The following TEX15 variants were observed in gnomAD, a reference collection of about 807,000 sequenced individuals.
TEX15 encodes the protein testis expressed 15, meiosis and synapsis associated, also known as testis-expressed protein 15.
In TEX15, 171 loss-of-function variants were observed where a neutral mutation model predicts 237.3. That is an observed-to-expected ratio of 0.72 (90% CI 0.64 to 0.82). The LOEUF (loss-of-function observed/expected upper bound fraction) is 0.82. TEX15 is among the 40% of genes least tolerant of loss of function. The pLI is 0.00. For synonymous variants in TEX15, 1,338 were observed against 1,269.8 expected (o/e 1.05, Z -1.14); for missense variants, 3,750 against 3,646.5 (o/e 1.03, Z -0.73).
Position 30,833,255 on chromosome 8 carries a change from A to G in TEX15, c.*31T>C. On this transcript the variant is annotated 3_prime_UTR_variant, in exon 11 of 11. Transcript: ENST00000643185. ...TAAAAAATATTTGGAAAAACTTGTT[A>G]TGTCTTATTTCAATAGACAGAAGAC... 6.7e-7 allele frequency: 1 copy of G among 1,494,498 alleles called. No homozygotes were observed. The highest frequency in any genetic ancestry group is 9.1e-7 in the Non-Finnish European group (1 of 1,099,284). The allele number at this position is 1,494,498 out of a possible 1,614,324, so 92.6% of individuals were successfully genotyped here. A position where few individuals can be genotyped will look rare whatever the true frequency, so the allele number is the denominator to read the frequency against.
intron 3 of TEX15, among the ~76,000 whole-genome samples, chr8:30,877,700 A>G (rs1808429640): frequency 6.6e-6 from 1 of 152,196 alleles, no homozygotes; most frequent in Non-Finnish European, 1.5e-5. Context: ...AACAGTTCAC[A>G]GAGGTCCTGT....
intron 3 of TEX15, among the ~76,000 whole-genome samples, chr8:30,884,109 C>T (rs943462366): frequency 6.6e-6 from 1 of 152,176 alleles, no homozygotes; most frequent in Non-Finnish European, 1.5e-5. Flanking sequence ...AACTCCTAGC[C>T]TCAGGGCATG....
At position 30,884,650 on chromosome 8, in the gene TEX15, T is replaced by A. The variant is rs148576862; in HGVS notation, c.136+2517A>T. On this transcript the variant is annotated intron_variant, in intron 3 of 10. Transcript: ENST00000643185. The stretch of plus-strand genomic sequence containing the variant: ...GTTGTTCATAGTATCCCTTATCCTT[T>A]TAATGCCCATAGGATCTGTAGTGAT... 9.0e-3 allele frequency among the ~76,000 whole-genome samples: 1,369 copies of A among 152,298 alleles called. 23 individuals are homozygous for A. Among genetic ancestry groups the A allele is most frequent in the African/African-American group, 0.031 (1,291 of 41,554 alleles).
rs1807583834 is a variant in TEX15, at chr8:30,845,602, G to A, written c.4565C>T (p.Ser1522Phe). 3 of 1,613,604 alleles carry A rather than the reference G, an allele frequency of 1.9e-6. No individual in the cohort carries two copies. Among genetic ancestry groups the A allele is most frequent in the East Asian group, 2.2e-5 (1 of 44,868 alleles). Reference sequence around the variant, plus strand: ...CTGACTTGTACTTTGGGATGTGGAGGATACAGGCAACTGTGATTCAGGATG... The same window carrying A: ...CTGACTTGTACTTTGGGATGTGGAGAATACAGGCAACTGTGATTCAGGATG... ...QEHPESQLPV[S>F]STSQSTSQSV... The change falls in exon 8 of 11, where the codon TCC (serine) becomes TTC (phenylalanine). Residue 1522 changes from serine (S) to phenylalanine (F), a missense_variant. Coordinates refer to ENST00000643185, the MANE Select transcript of TEX15 (RefSeq NM_001350162.2).
intron 3 of TEX15, among the ~76,000 whole-genome samples, chr8:30,876,881 C>A (rs1449976189): frequency 2.0e-5 from 3 of 152,104 alleles, no homozygotes; most frequent in African/African-American, 7.2e-5. Flanking sequence ...GGGGCAGTTA[C>A]CCCATGCTAG....
chr8:30,884,903 A>G (rs776016034), intron 3 of TEX15, among the ~76,000 whole-genome samples: 1 of 151,968 alleles, frequency 6.6e-6, no homozygotes, highest in Non-Finnish European at 1.5e-5. Flanking sequence ...CTAGTTTCCT[A>G]AGGTGTAAAC....
rs373976433 is a variant in TEX15, at chr8:30,847,068, C to T, written c.3099G>A (p.Thr1033=). The change falls in exon 8 of 11, where the codon ACG becomes ACA. Residue 1033 remains threonine, a synonymous_variant. Coordinates refer to ENST00000643185, the MANE Select transcript of TEX15 (RefSeq NM_001350162.2). ...KHRVSDCEID[T]DKNKSQESFH... ...ATGATTCTTGTGATTTATTTTTATCCGTATCAATTTCACAATCAGAAACCC... is the reference window on the plus strand; with the variant it reads ...ATGATTCTTGTGATTTATTTTTATCTGTATCAATTTCACAATCAGAAACCC... 41 of 1,612,402 alleles carry T rather than the reference C, an allele frequency of 2.5e-5. No individual in the cohort carries two copies. Among genetic ancestry groups the T allele is most frequent in the South Asian group, 1.1e-4 (10 of 90,844 alleles).
chr8:30,875,960 G>A (rs575041056), intron 3 of TEX15, among the ~76,000 whole-genome samples: 11 of 151,988 alleles, frequency 7.2e-5, no homozygotes, highest in Non-Finnish European at 1.3e-4. Context: ...TACAGGCACA[G>A]GCCCAACATG....
chr8:30,866,118 A>C (rs1808156708), intron 5 of TEX15, among the ~76,000 whole-genome samples: 1 of 152,280 alleles, frequency 6.6e-6, no homozygotes, highest in South Asian at 2.1e-4. Flanking sequence ...ACAAACACTC[A>C]TCAGTAGTAT....
At chr8:30,889,574 G>C (rs948978090) in intron 2 of TEX15, among the ~76,000 whole-genome samples, 1 of 152,020 alleles carries the variant, frequency 6.6e-6, no homozygotes, top group African/African-American at 2.4e-5. Flanking sequence ...TGCTTACTTA[G>C]GATAATACTT....
At chr8:30,895,297 C>CAAAAAAAAAAAAAAAAAAAAAAAAAA (rs34514049) in intron 2 of TEX15, among the ~76,000 whole-genome samples, 1 of 60,474 alleles carries the variant, frequency 1.7e-5, no homozygotes, top group Non-Finnish European at 3.6e-5. Flanking sequence ...GACTCCATCT[C>CAAAAAAAAAAAAAAAAAAAAAAAAAA]AAAAAAAAAA....
At position 30,846,221 on chromosome 8, in the gene TEX15, T is replaced by C. The variant is rs1468550388; in HGVS notation, c.3946A>G (p.Lys1316Glu). 4 of 1,613,352 alleles carry C rather than the reference T, an allele frequency of 2.5e-6. No homozygotes were observed. Among genetic ancestry groups the C allele is most frequent in the African/African-American group, 1.3e-5 (1 of 74,886 alleles). The change falls in exon 8 of 11, where the codon AAA becomes GAA. Residue 1316 changes from lysine to glutamate, a missense_variant. Coordinates refer to ENST00000643185, the MANE Select transcript of TEX15 (RefSeq NM_001350162.2). ...TAAATTTTATGTCGTCTTAAATCTT[T>C]ATGTGGTATGTTCTGATCCCTGGAA... is the stretch of plus-strand genomic sequence containing the variant. ...ISSRDQNIPH[K>E]DLRRHKIYGR... is the part of the protein sequence containing the mutation.
At chr8:30,886,526 T>C (rs1808649756) in intron 3 of TEX15, among the ~76,000 whole-genome samples, 1 of 152,150 alleles carries the variant, frequency 6.6e-6, no homozygotes, top group Non-Finnish European at 1.5e-5. Context: ...AGCAGGATGA[T>C]GGCACAGAAG....
chr8:30,908,234 A>AT (rs1809149776), intron 1 of TEX15, among the ~76,000 whole-genome samples: 1 of 151,656 alleles, frequency 6.6e-6, no homozygotes, highest in African/African-American at 2.4e-5. Context: ...CTATTTTTTA[A>AT]TTTTTTGTAG....
intron 7 of TEX15, among the ~76,000 whole-genome samples, chr8:30,850,026 A>G (rs753781286): frequency 6.6e-6 from 1 of 152,114 alleles, no homozygotes; most frequent in African/African-American, 2.4e-5. Context: ...TACATATAAG[A>G]AGGCAAAATA....
chr8:30,875,697 G>A (rs1808385730), intron 3 of TEX15, among the ~76,000 whole-genome samples: 1 of 152,152 alleles, frequency 6.6e-6, no homozygotes, highest in Non-Finnish European at 1.5e-5. Flanking sequence ...ATTGTTATTG[G>A]TGGTAGTTAT....
chr8:30,856,371 T>C (rs1037828205), intron 7 of TEX15, among the ~76,000 whole-genome samples: 7 of 150,284 alleles, frequency 4.7e-5, no homozygotes, highest in Non-Finnish European at 1.0e-4. Context: ...CTGGGCAACA[T>C]GGTGAAACCC....
At chr8:30,835,802 AAG>A (rs1260979906) in intron 10 of TEX15, among the ~76,000 whole-genome samples, 2 of 152,210 alleles carry the variant, frequency 1.3e-5, no homozygotes, top group African/African-American at 2.4e-5. Context: ...GCATTTTAGA[AAG>A]AAACAATTTC....
chr8:30,895,890 A>G (rs1360524322), intron 2 of TEX15, among the ~76,000 whole-genome samples: 1 of 152,028 alleles, frequency 6.6e-6, no homozygotes. Flanking sequence ...CATGTTGGCC[A>G]GGATGATCTC....
Sources: gnomAD v4.1 joint callset for allele counts (sites outside exome capture counted in the v4.1 genomes callset) on GRCh38, gnomAD v4.1.1 for gene constraint, MANE v1.5 for transcripts, NCBI Gene and HGNC (gene_info 2026-07-23, HGNC 2026-07-21) for gene names.